SORCS2: variants seen among roughly 807,000 people sequenced by gnomAD.
SORCS2 encodes the protein VPS10 domain-containing receptor SorCS2.
In SORCS2, 100 loss-of-function variants were observed where a neutral mutation model predicts 141.6. The ratio of observed to expected loss-of-function variants is 0.71; its 90% CI spans 0.60 to 0.83. SORCS2 has a LOEUF of 0.83. Ranked by LOEUF, SORCS2 falls within the 40% of genes least tolerant of loss-of-function variation. SORCS2 has a pLI of 0.00. For synonymous variants in SORCS2, 789 were observed against 676.9 expected (o/e 1.17, Z -2.57); for missense variants, 1,646 against 1,560.2 (o/e 1.05, Z -0.93).
chr4:7,724,591 T>C (rs199503527), intron 19 of SORCS2, among the ~76,000 whole-genome samples: 1 of 23,784 alleles, frequency 4.2e-5, no homozygotes, highest in Non-Finnish European at 7.3e-5. Context: ...GGTGGTGGTG[T>C]TGGTGATGGT....
chr4:7,422,955 G>C (rs554522670), intron 2 of SORCS2, among the ~76,000 whole-genome samples: 2 of 152,080 alleles, frequency 1.3e-5, no homozygotes, highest in South Asian at 4.2e-4. Context: ...GATCTCTAAA[G>C]GCCCTAGTAT....
At chr4:7,484,163 C>A in intron 2 of SORCS2, among the ~76,000 whole-genome samples, 1 of 152,134 alleles carries the variant, frequency 6.6e-6, no homozygotes, top group East Asian at 1.9e-4. Flanking sequence ...CCCAGCGGTC[C>A]CGGTAATCTA....
At position 7,427,626 on chromosome 4, in the gene SORCS2, C is replaced by A. The variant is rs115524404; in HGVS notation, c.548+31271C>A. The stretch of plus-strand genomic sequence containing the variant: ...TGGGTTTCATTGGTTATGCAGGACA[C>A]CCCAGGAGGTGGGGTGCTGGGATCT... On this transcript the variant is annotated intron_variant, in intron 2 of 26. Coordinates refer to ENST00000507866, the MANE Select transcript of SORCS2 (RefSeq NM_020777.3). Among the ~76,000 whole-genome samples the A allele has an allele frequency of 4.7e-3, 710 of 152,204 alleles. 10 individuals are homozygous for A. Among genetic ancestry groups the A allele is most frequent in the African/African-American group, 0.016 (672 of 41,516 alleles).
intron 1 of SORCS2, among the ~76,000 whole-genome samples, chr4:7,269,587 G>T (rs1265157736): frequency 1.3e-5 from 2 of 152,228 alleles, no homozygotes; most frequent in Admixed American, 1.3e-4. Context: ...ACACGAAGGA[G>T]AAGGCTATGT....
chr4:7,661,064 G>A (rs901104725), intron 5 of SORCS2, among the ~76,000 whole-genome samples: 11 of 152,176 alleles, frequency 7.2e-5, no homozygotes, highest in Non-Finnish European at 1.6e-4. Context: ...TATAAAACTA[G>A]GATAGGATGG....
At chr4:7,735,238 A>C (rs975874027) in intron 25 of SORCS2, among the ~76,000 whole-genome samples, 1 of 152,150 alleles carries the variant, frequency 6.6e-6, no homozygotes, top group African/African-American at 2.4e-5. Context: ...ACCCTTGAGG[A>C]TCATCAAATG....
At chr4:7,385,655 G>A (rs1723248361) in intron 1 of SORCS2, among the ~76,000 whole-genome samples, 1 of 152,196 alleles carries the variant, frequency 6.6e-6, no homozygotes, top group South Asian at 2.1e-4. Context: ...CTGGGTGAGG[G>A]TGACCCTCCT....
chr4:7,582,823 G>A (rs954228009), intron 3 of SORCS2, among the ~76,000 whole-genome samples: 9 of 152,110 alleles, frequency 5.9e-5, no homozygotes, highest in East Asian at 1.9e-4. Context: ...CTTAGCAGCC[G>A]TAGCAGCAAT....
intron 13 of SORCS2, 116 bp from the exon 14 acceptor site, chr4:7,704,061 C>T (rs957638335): frequency 1.2e-6 from 1 of 806,498 alleles, no homozygotes; most frequent in Admixed American, 2.0e-5. Flanking sequence ...ATCACCTGCA[C>T]TGGCAAGGTT....
intron 3 of SORCS2, among the ~76,000 whole-genome samples, chr4:7,550,649 AC>A (rs1402839958): frequency 2.0e-5 from 3 of 152,190 alleles, no homozygotes; most frequent in Admixed American, 1.3e-4. Flanking sequence ...ATGTCTGCCC[AC>A]CCTGTGTCTC....
intron 1 of SORCS2, among the ~76,000 whole-genome samples, chr4:7,367,492 T>C (rs1248123432): frequency 6.6e-6 from 1 of 152,202 alleles, no homozygotes; most frequent in African/African-American, 2.4e-5. Flanking sequence ...GTGGGAGCAT[T>C]AAACAGATGA....
intron 2 of SORCS2, among the ~76,000 whole-genome samples, chr4:7,455,022 T>G (rs1211650845): frequency 2.6e-5 from 1 of 38,934 alleles, no homozygotes; most frequent in Non-Finnish European, 6.7e-5. Context: ...GGTCAGGCAG[T>G]GTGTTGGGGT....
chr4:7,301,812 A>T (rs1017233720), intron 1 of SORCS2, among the ~76,000 whole-genome samples: 14 of 152,186 alleles, frequency 9.2e-5, no homozygotes, highest in African/African-American at 3.4e-4. Context: ...TCTGGATTAC[A>T]TTCTCCTGAG....
rs1726108045 is a variant in SORCS2 at position 7,715,196 on chromosome 4, G to C, written c.2137G>C (p.Glu713Gln). Reference protein sequence around the residue: ...DSDFLCDYGFERSSSSESSTN... With the variant: ...DSDFLCDYGFQRSSSSESSTN... The stretch of plus-strand genomic sequence containing the variant: ...CCCTCCTCCCAGCGACTACGGATTT[G>C]AGCGCTCCTCCTCCTCAGAGTCCAG... Residue 713 changes from glutamate (E) to glutamine (Q), a missense_variant, in exon 17 of 27, where the codon GAG becomes CAG. Coordinates refer to ENST00000507866, the MANE Select transcript of SORCS2 (RefSeq NM_020777.3). The C allele has an allele frequency of 6.2e-7, 1 of 1,613,876 alleles. No individual in the cohort carries two copies. The highest frequency in any genetic ancestry group is 2.2e-5 in the East Asian group (1 of 44,876).
At chr4:7,656,010 A>C (rs556178528) in intron 5 of SORCS2, among the ~76,000 whole-genome samples, 1 of 152,158 alleles carries the variant, frequency 6.6e-6, no homozygotes, top group Non-Finnish European at 1.5e-5. Context: ...ACTGACCACC[A>C]CGGCCCCGGC....
chr4:7,741,291 A>G lies in SORCS2; in HGVS notation c.*1027A>G, dbSNP rs145927217. ...CGTGACCCTCATTTTCAAGAAGGGG[A>G]AACTGAGGCCCAGGGAGGAGAGTAA... On this transcript the variant is annotated 3_prime_UTR_variant, in exon 27 of 27. Transcript: ENST00000507866. The G allele has an allele frequency of 5.8e-5, 23 of 398,862 alleles. No individual in the cohort carries two copies. Among genetic ancestry groups the G allele is most frequent in the Non-Finnish European group, 8.8e-5 (20 of 226,132 alleles). The allele number at this position is 398,862 out of a possible 1,614,324, so 24.7% of individuals were successfully genotyped here. A position where few individuals can be genotyped will look rare whatever the true frequency, so the allele number is the denominator to read the frequency against.
chr4:7,470,235 A>ACCCATCCATCCT (rs1221605840), intron 2 of SORCS2, among the ~76,000 whole-genome samples: 2 of 148,652 alleles, frequency 1.3e-5, no homozygotes, highest in African/African-American at 2.5e-5. Flanking sequence ...CGGTCCATCC[A>ACCCATCCATCCT]CCCATCCATC....
At chr4:7,231,797 G>A (rs1307135060) in intron 1 of SORCS2, among the ~76,000 whole-genome samples, 1 of 152,188 alleles carries the variant, frequency 6.6e-6, no homozygotes, top group Non-Finnish European at 1.5e-5. Context: ...TGACTGCCAT[G>A]GTGTGGGTGG....
intron 2 of SORCS2, among the ~76,000 whole-genome samples, chr4:7,451,494 T>C (rs1311078784): frequency 6.6e-6 from 1 of 152,270 alleles, no homozygotes; most frequent in Admixed American, 6.5e-5. Flanking sequence ...AATACCCAGC[T>C]CTCAGACCTG....
Sources: allele counts gnomAD v4.1 joint callset (sites outside exome capture counted in the v4.1 genomes callset), GRCh38; gene constraint gnomAD v4.1.1; transcripts MANE v1.5; gene names NCBI Gene and HGNC (gene_info 2026-07-23, HGNC 2026-07-21).